ATE1: variants seen among roughly 807,000 people sequenced by gnomAD.
The protein encoded by ATE1 is arginyltransferase 1.
A neutral mutation model predicts 70.5 loss-of-function variants in ATE1; 36 were observed. That is an observed-to-expected ratio of 0.51 (90% CI 0.39 to 0.67). The LOEUF (loss-of-function observed/expected upper bound fraction) is 0.67, where lower values mean the gene tolerates loss of function less well. Among genes scored for constraint, ATE1 ranks in the 30% least tolerant of loss-of-function variants. The probability of loss-of-function intolerance (pLI) is 0.00; values close to 1 mark genes in which losing one functional copy is unlikely to be tolerated. For synonymous variants in ATE1, 232 were observed against 219.3 expected (o/e 1.06, Z -0.51); for missense variants, 593 against 629.5 (o/e 0.94, Z 0.62).
chr10:121,890,175 A>C (rs771016979), intron 7 of ATE1, among the ~76,000 whole-genome samples: 3 of 152,208 alleles, frequency 2.0e-5, no homozygotes, highest in Non-Finnish European at 4.4e-5. Flanking sequence ...AAAATTAAGA[A>C]GCTGCCCTAG....
At chr10:121,903,605 T>C (rs1416414808) in intron 5 of ATE1, among the ~76,000 whole-genome samples, 1 of 151,986 alleles carries the variant, frequency 6.6e-6, no homozygotes, top group African/African-American at 2.4e-5. Flanking sequence ...TAGAATCACT[T>C]GAACCCAGGA....
intron 8 of ATE1, among the ~76,000 whole-genome samples, chr10:121,844,257 T>C (rs1047046913): frequency 6.6e-6 from 1 of 152,230 alleles, no homozygotes; most frequent in African/African-American, 2.4e-5. Context: ...ACCCTGTCTT[T>C]ATTTTTAAAA....
chr10:121,890,385 A>T (rs1950540673), intron 7 of ATE1, among the ~76,000 whole-genome samples: 4 of 152,234 alleles, frequency 2.6e-5, no homozygotes, highest in Non-Finnish European at 5.9e-5. Flanking sequence ...TAAAGAATTT[A>T]GTAGTAAAAT....
upstream of ATE1, chr10:121,928,104 G>A (rs1952181722): frequency 8.2e-7 from 1 of 1,223,736 alleles, no homozygotes; most frequent in Non-Finnish European, 1.0e-6. Context: ...GCGCCTCTTG[G>A]AGCTGACGCC....
chr10:121,746,569 T>G (rs528035968), intron 11 of ATE1, among the ~76,000 whole-genome samples: 9 of 152,328 alleles, frequency 5.9e-5, no homozygotes, highest in Admixed American at 3.9e-4. Context: ...TTTTAGGAGA[T>G]TTCTTAGTCT....
intron 11 of ATE1, among the ~76,000 whole-genome samples, chr10:121,786,501 T>C (rs962084812): frequency 6.6e-6 from 1 of 151,988 alleles, no homozygotes; most frequent in Non-Finnish European, 1.5e-5. Flanking sequence ...AAACTCCACC[T>C]CTACAAAAAA....
intron 7 of ATE1, among the ~76,000 whole-genome samples, chr10:121,873,601 G>T (rs1949934865): frequency 6.6e-6 from 1 of 151,692 alleles, no homozygotes; most frequent in Non-Finnish European, 1.5e-5. Context: ...AAGTATAGGG[G>T]TAGGGGGAAT....
At chr10:121,927,594 C>T (rs1029693598) in intron 1 of ATE1, 1 of 970,708 alleles carries the variant, frequency 1.0e-6, no homozygotes, top group Non-Finnish European at 1.2e-6. Flanking sequence ...AGACGGGCGT[C>T]CGTCTCCCGA....
intron 11 of ATE1, among the ~76,000 whole-genome samples, chr10:121,758,635 G>GGTTT (rs547997600): frequency 1.4e-3 from 206 of 152,138 alleles, no homozygotes; most frequent in African/African-American, 4.0e-3. Context: ...AGATATTGAG[G>GGTTT]GTTTGTTTGT....
chr10:121,877,433 A>G (rs1017996168), intron 7 of ATE1, among the ~76,000 whole-genome samples: 4 of 152,208 alleles, frequency 2.6e-5, no homozygotes, highest in Admixed American at 1.3e-4. Flanking sequence ...TCAAAATTAG[A>G]TTCTTCCAAA....
chr10:121,846,920 A>C (rs1035489613), intron 8 of ATE1, among the ~76,000 whole-genome samples: 6 of 152,186 alleles, frequency 3.9e-5, no homozygotes, highest in African/African-American at 1.4e-4. Flanking sequence ...AGAAGCACTA[A>C]CCAAAAGAAA....
At chr10:121,893,929 G>T (rs965748005) in intron 7 of ATE1, among the ~76,000 whole-genome samples, 1 of 152,138 alleles carries the variant, frequency 6.6e-6, no homozygotes, top group Non-Finnish European at 1.5e-5. Context: ...CCTGAGGTCA[G>T]GAGTTCGAGA....
chr10:121,808,120 G>A (rs770863385), intron 10 of ATE1, among the ~76,000 whole-genome samples: 140 of 152,144 alleles, frequency 9.2e-4, no homozygotes, highest in Non-Finnish European at 2.8e-4. Flanking sequence ...CTTTCTACAC[G>A]TATAGTATAT....
rs150388156 is a variant in ATE1, at chr10:121,777,435, C to T, written c.1378+12734G>A. On this transcript the variant is annotated intron_variant, in intron 11 of 11. Coordinates refer to ENST00000224652, the MANE Select transcript of ATE1 (RefSeq NM_001001976.3). The stretch of plus-strand genomic sequence containing the variant: ...AAGAACATGACAGAATGCAGGATTC[C>T]ATCAAGTTCGAATCTCTTTAGAGTT... Among the ~76,000 whole-genome samples the T allele has an allele frequency of 2.1e-3, 326 of 152,042 alleles. 2 individuals carry two copies. Among genetic ancestry groups the T allele is most frequent in the African/African-American group, 7.5e-3 (311 of 41,340 alleles).
At chr10:121,826,949 C>A (rs1333132813) in intron 10 of ATE1, among the ~76,000 whole-genome samples, 3 of 152,040 alleles carry the variant, frequency 2.0e-5, no homozygotes, top group African/African-American at 7.2e-5. Context: ...TAATTTCATT[C>A]TTTTTGATGA....
intron 7 of ATE1, among the ~76,000 whole-genome samples, chr10:121,881,732 T>C (rs1337490628): frequency 1.3e-5 from 2 of 152,022 alleles, no homozygotes; most frequent in Admixed American, 1.3e-4. Flanking sequence ...TGATATCTTT[T>C]ACAGGTTTTA....
Position 121,748,760 on chromosome 10 carries a change from C to T in ATE1, c.1379-4902G>A, listed in dbSNP as rs539543286. On this transcript the variant is annotated intron_variant, in intron 11 of 11. Transcript: ENST00000224652. ...AAAGCAGATATTGAGAAGCTATTCA[C>T]TTTTTAATGTCATACATAATTATAA... 2.6e-5 allele frequency among the ~76,000 whole-genome samples: 4 copies of T among 151,992 alleles called. No individual in the cohort carries two copies. The South Asian group carries it at 8.3e-4, about 32-fold the overall frequency.
intron 10 of ATE1, among the ~76,000 whole-genome samples, chr10:121,811,859 G>A (rs540376637): frequency 6.6e-6 from 1 of 152,084 alleles, no homozygotes; most frequent in South Asian, 2.1e-4. Context: ...TGAGAGCTAG[G>A]GGCAATGTAA....
chr10:121,752,750 G>A (rs1358886058), intron 11 of ATE1, among the ~76,000 whole-genome samples: 1 of 152,162 alleles, frequency 6.6e-6, no homozygotes, highest in Admixed American at 6.5e-5. Context: ...CTAGTCCACA[G>A]ATCTGTATGT....
Sources: gnomAD v4.1 joint callset for allele counts (sites outside exome capture counted in the v4.1 genomes callset) on GRCh38, gnomAD v4.1.1 for gene constraint, MANE v1.5 for transcripts, NCBI Gene and HGNC (gene_info 2026-07-23, HGNC 2026-07-21) for gene names.